RAB28: variants seen among roughly 807,000 people sequenced by gnomAD.
RAB28 encodes the protein RAB28, member RAS oncogene family.
A neutral mutation model predicts 31.7 loss-of-function variants in RAB28; 24 were observed. The ratio of observed to expected loss-of-function variants is 0.76; its 90% CI spans 0.55 to 1.06. The LOEUF (loss-of-function observed/expected upper bound fraction) is 1.06, where lower values mean the gene tolerates loss of function less well. Among genes scored for constraint, RAB28 ranks in the 50% least tolerant of loss-of-function variants. The pLI is 0.00. For missense variants in RAB28, 254 were observed against 258.5 expected (o/e 0.98, Z 0.12); for synonymous variants, 100 against 90.4 (o/e 1.11, Z -0.60).
At chr4:13,483,339 C>T (rs953040108) in intron 1 of RAB28, among the ~76,000 whole-genome samples, 1 of 152,144 alleles carries the variant, frequency 6.6e-6, no homozygotes, top group African/African-American at 2.4e-5. Context: ...GCAAGCAGCT[C>T]TACCCTCAGC....
intron 4 of RAB28, among the ~76,000 whole-genome samples, chr4:13,392,244 A>G (rs1264954575): frequency 1.3e-5 from 2 of 152,206 alleles, no homozygotes; most frequent in African/African-American, 4.8e-5. Context: ...ATTAGGATAT[A>G]GAGACAGATT....
chr4:13,400,271 G>A (rs1241870613), intron 4 of RAB28, among the ~76,000 whole-genome samples: 1 of 152,098 alleles, frequency 6.6e-6, no homozygotes, highest in East Asian at 1.9e-4. Flanking sequence ...TAACTGGCAT[G>A]GCAAATGCTT....
intron 4 of RAB28, chr4:13,459,911 T>C (rs895145370): frequency 4.0e-5 from 51 of 1,289,236 alleles, no homozygotes; most frequent in Non-Finnish European, 4.8e-5. Flanking sequence ...TCATAATCCA[T>C]GCTGCTTTCC....
intron 4 of RAB28, among the ~76,000 whole-genome samples, chr4:13,459,252 G>A (rs577153305): frequency 1.3e-5 from 2 of 152,206 alleles, no homozygotes; most frequent in East Asian, 1.9e-4. Flanking sequence ...TTTGGGACTC[G>A]GACTGATCCA....
At chr4:13,406,288 G>C (rs902539654) in intron 4 of RAB28, among the ~76,000 whole-genome samples, 3 of 152,164 alleles carry the variant, frequency 2.0e-5, no homozygotes, top group Non-Finnish European at 4.4e-5. Context: ...TGCTGAGAAT[G>C]ATGGTTTCCA....
At chr4:13,407,706 T>C (rs144001569) in intron 4 of RAB28, among the ~76,000 whole-genome samples, 30 of 152,328 alleles carry the variant, frequency 2.0e-4, no homozygotes, top group African/African-American at 7.2e-4. Flanking sequence ...TAGTTCTCCT[T>C]GAAGAGGTCC....
At chr4:13,407,073 T>C (rs572598352) in intron 4 of RAB28, among the ~76,000 whole-genome samples, 30 of 152,338 alleles carry the variant, frequency 2.0e-4, no homozygotes, top group Non-Finnish European at 3.2e-4. Context: ...AGTCATGAAG[T>C]CTTTGCCCAA....
intron 4 of RAB28, among the ~76,000 whole-genome samples, chr4:13,439,886 C>A (rs1560293962): frequency 6.6e-6 from 1 of 152,152 alleles, no homozygotes; most frequent in Admixed American, 6.5e-5. Flanking sequence ...GTACAATTCC[C>A]AAAGCACTAG....
chr4:13,427,048 C>T (rs1035020800), intron 4 of RAB28, among the ~76,000 whole-genome samples: 2 of 152,160 alleles, frequency 1.3e-5, no homozygotes, highest in African/African-American at 2.4e-5. Flanking sequence ...GAAAATGGCT[C>T]AGTTTCATGA....
intron 4 of RAB28, among the ~76,000 whole-genome samples, chr4:13,409,878 TC>T (rs1712326449): frequency 6.6e-6 from 1 of 152,242 alleles, no homozygotes; most frequent in East Asian, 1.9e-4. Flanking sequence ...TGGCTTTGTG[TC>T]CCCACCCAAA....
At chr4:13,483,966 T>C (rs1716742111) in intron 1 of RAB28, 110 bp downstream of exon 1, 2 of 1,075,550 alleles carry the variant, frequency 1.9e-6, no homozygotes. Flanking sequence ...GGCCCGGGCC[T>C]AGAAGCCCGA....
chr4:13,424,400 C>A (rs1329738017), intron 4 of RAB28, among the ~76,000 whole-genome samples: 1 of 152,156 alleles, frequency 6.6e-6, no homozygotes, highest in Non-Finnish European at 1.5e-5. Flanking sequence ...TCCATCTTCA[C>A]ATAACTTTCT....
chr4:13,463,169 T>A (rs1715685816), intron 3 of RAB28, among the ~76,000 whole-genome samples: 1 of 152,198 alleles, frequency 6.6e-6, no homozygotes, highest in Admixed American at 6.5e-5. Context: ...GAGGTAGGTT[T>A]TAAACTCACA....
intron 4 of RAB28, among the ~76,000 whole-genome samples, chr4:13,424,156 CATT>C (rs1305696931): frequency 6.6e-6 from 1 of 152,196 alleles, no homozygotes; most frequent in African/African-American, 2.4e-5. Context: ...ATCCTTTCCT[CATT>C]TTCAGTTCAA....
rs182819431 is a variant in RAB28, at chr4:13,390,079, A to T, written c.392-8485T>A. Among the ~76,000 whole-genome samples, 31 of 152,338 alleles carry T rather than the reference A, an allele frequency of 2.0e-4. No individual in the cohort carries two copies. In the East Asian group the frequency reaches 5.0e-3, roughly 25 times the overall value. On this transcript the variant is annotated intron_variant, in intron 4 of 6. Transcript: ENST00000330852. ...CCGAGCAACCAGGCAAGAGAAAGAA[A>T]TATAAGGTATTAAATTAGGAAAAGA...
At chr4:13,389,844 A>G (rs958010357) in intron 4 of RAB28, among the ~76,000 whole-genome samples, 2 of 152,216 alleles carry the variant, frequency 1.3e-5, no homozygotes, top group African/African-American at 2.4e-5. Context: ...AAAGGCCTTC[A>G]ACAAAATTCA....
intron 4 of RAB28, among the ~76,000 whole-genome samples, chr4:13,429,614 A>G (rs922149904): frequency 1.3e-5 from 2 of 152,224 alleles, no homozygotes; most frequent in African/African-American, 4.8e-5. Context: ...GTGAAAAAAC[A>G]TTGAAAGAAA....
chr4:13,382,693 ATTTTTTTTTTT>A (rs35120402), intron 4 of RAB28, among the ~76,000 whole-genome samples: 3 of 73,910 alleles, frequency 4.1e-5, no homozygotes, highest in Non-Finnish European at 8.1e-5. Context: ...AAAATATGGA[ATTTTTTTTTTT>A]TTTTTTTTTT....
intron 4 of RAB28, among the ~76,000 whole-genome samples, chr4:13,441,121 T>C (rs529803248): frequency 1.3e-5 from 2 of 152,306 alleles, no homozygotes; most frequent in Middle Eastern, 3.4e-3. Flanking sequence ...TAAAGTCTTG[T>C]TGTGGAAGTA....
Sources: allele counts gnomAD v4.1 joint callset (sites outside exome capture counted in the v4.1 genomes callset), GRCh38; gene constraint gnomAD v4.1.1; transcripts MANE v1.5; gene names NCBI Gene and HGNC (gene_info 2026-07-23, HGNC 2026-07-21).